Variants in IQCH observed in about 807,000 individuals in gnomAD.
The protein encoded by IQCH is IQ domain-containing protein H.
IQCH carries 98 observed loss-of-function variants against 117.0 expected under a neutral mutation model. That is an observed-to-expected ratio of 0.84 (90% CI 0.71 to 0.99). The LOEUF is 0.99. Among genes scored for constraint, IQCH ranks in the 50% least tolerant of loss-of-function variants. The pLI is 0.00. For missense variants in IQCH, 1,102 were observed against 1,243.8 expected (o/e 0.89, Z 1.72); for synonymous variants, 412 against 448.2 (o/e 0.92, Z 1.02).
intron 14 of IQCH, among the ~76,000 whole-genome samples, chr15:67,415,755 A>T (rs1373768529): frequency 6.6e-6 from 1 of 152,218 alleles, no homozygotes; most frequent in East Asian, 1.9e-4. Context: ...GTTCCCCTGC[A>T]ACCTAAAGTA....
intron 4 of IQCH, among the ~76,000 whole-genome samples, chr15:67,311,649 A>G (rs1024758971): frequency 6.6e-5 from 10 of 150,904 alleles, no homozygotes; most frequent in African/African-American, 2.2e-4. Flanking sequence ...TAGGTACATA[A>G]TACTATATGC....
At chr15:67,375,258 G>A (rs1970697772) in intron 10 of IQCH, among the ~76,000 whole-genome samples, 1 of 152,034 alleles carries the variant, frequency 6.6e-6, no homozygotes, top group Non-Finnish European at 1.5e-5. Flanking sequence ...GTGAGACCCT[G>A]TTTTAGAAAG....
At chr15:67,380,078 C>T (rs938249793) in intron 10 of IQCH, among the ~76,000 whole-genome samples, 2 of 152,160 alleles carry the variant, frequency 1.3e-5, no homozygotes, top group African/African-American at 2.4e-5. Context: ...TCTCGAACTC[C>T]CAACCTCAGT....
intron 8 of IQCH, among the ~76,000 whole-genome samples, chr15:67,360,331 G>A (rs998642197): frequency 6.6e-6 from 1 of 152,192 alleles, no homozygotes; most frequent in Non-Finnish European, 1.5e-5. Flanking sequence ...CTGTAGTACA[G>A]ATGGGATTTA....
At position 67,426,670 on chromosome 15, in the gene IQCH, A is replaced by G. The variant is rs1344216356; in HGVS notation, c.2505+5093A>G. ...AGAACTTGGAACATAGTAACTGTGT[A>G]TATTTACAAAATAAAATCCCAGGCC... On this transcript the variant is annotated intron_variant, in intron 16 of 20. Coordinates refer to ENST00000335894, the MANE Select transcript of IQCH (RefSeq NM_001031715.3). This position sits in a 1 kb window ranked among gnomAD's most constrained non-coding sequence, Gnocchi z 5.1. Among the ~76,000 whole-genome samples the G allele has an allele frequency of 6.6e-6, 1 of 152,140 alleles. No homozygotes were observed. Among genetic ancestry groups the G allele is most frequent in the Non-Finnish European group, 1.5e-5 (1 of 68,028 alleles).
chr15:67,483,554 G>A (rs986206879), intron 18 of IQCH, among the ~76,000 whole-genome samples: 2 of 152,154 alleles, frequency 1.3e-5, no homozygotes, highest in African/African-American at 4.8e-5. Flanking sequence ...AAGCATCTAA[G>A]GTGAGTGTCA....
At chr15:67,334,145 G>A (rs1968789120) in intron 4 of IQCH, among the ~76,000 whole-genome samples, 1 of 152,040 alleles carries the variant, frequency 6.6e-6, no homozygotes, top group African/African-American at 2.4e-5. Flanking sequence ...TGAGAAACTA[G>A]CTAGAAGGGA....
chr15:67,468,476 C>A (rs2082988297), intron 17 of IQCH, among the ~76,000 whole-genome samples: 3 of 152,166 alleles, frequency 2.0e-5, no homozygotes, highest in Admixed American at 2.0e-4. Flanking sequence ...CACACATTTC[C>A]CTGCTACTGC....
At chr15:67,277,090 T>C (rs1966154976) in intron 3 of IQCH, among the ~76,000 whole-genome samples, 1 of 152,264 alleles carries the variant, frequency 6.6e-6, no homozygotes. Context: ...TTCAATATAT[T>C]GATAAGCCTA....
intron 10 of IQCH, among the ~76,000 whole-genome samples, chr15:67,380,774 G>A (rs1405157088): frequency 6.6e-6 from 1 of 152,168 alleles, no homozygotes; most frequent in Non-Finnish European, 1.5e-5. Context: ...TATGCTGCTG[G>A]GAGGATGTGA....
intron 2 of IQCH, 127 bp downstream of exon 2, chr15:67,261,521 A>G (rs901299024): frequency 5.4e-5 from 38 of 697,716 alleles, no homozygotes; most frequent in Non-Finnish European, 8.5e-5. Flanking sequence ...AGTCGTCAGC[A>G]TTCTTGTTTT....
chr15:67,346,314 C>G (rs959152438), intron 6 of IQCH, among the ~76,000 whole-genome samples: 10 of 151,460 alleles, frequency 6.6e-5, no homozygotes, highest in Admixed American at 1.3e-4. Context: ...ACTAGTAACC[C>G]CCCCCCAAAA....
At chr15:67,375,976 G>A (rs1970723583) in intron 10 of IQCH, among the ~76,000 whole-genome samples, 2 of 151,778 alleles carry the variant, frequency 1.3e-5, no homozygotes, top group African/African-American at 2.4e-5. Context: ...CAGTAGAGAC[G>A]GGGTTTCACC....
chr15:67,266,488 C>T (rs1293135414), intron 3 of IQCH, among the ~76,000 whole-genome samples: 1 of 151,948 alleles, frequency 6.6e-6, no homozygotes, highest in Non-Finnish European at 1.5e-5. Context: ...AACCCCGTCT[C>T]TATTAAAATA....
intron 8 of IQCH, among the ~76,000 whole-genome samples, chr15:67,363,458 C>T (rs543837573): frequency 6.6e-6 from 1 of 151,770 alleles, no homozygotes; most frequent in South Asian, 2.1e-4. Flanking sequence ...GTTGGTCAGG[C>T]TGGTCTCAAA....
At chr15:67,346,395 A>G (rs770909651) in intron 6 of IQCH, among the ~76,000 whole-genome samples, 1 of 152,116 alleles carries the variant, frequency 6.6e-6, no homozygotes, top group East Asian at 1.9e-4. Context: ...TAATTTTTCC[A>G]CAGACAAGAG....
chr15:67,426,556 A>G lies in IQCH; in HGVS notation c.2505+4979A>G, dbSNP rs1356680150. Among the ~76,000 whole-genome samples, 1 of 151,330 alleles carries G rather than the reference A, an allele frequency of 6.6e-6. No individual in the cohort carries two copies. On this transcript the variant is annotated intron_variant, in intron 16 of 20. Coordinates refer to ENST00000335894, the MANE Select transcript of IQCH (RefSeq NM_001031715.3). This position sits in a 1 kb window ranked among gnomAD's most constrained non-coding sequence, Gnocchi z 5.1. ...TATAACTATTACATATCAATAAAAA[A>G]TACCAAAAAAAAACCCAACCTCATA...
In IQCH at chr15:67,379,193, G is replaced by A. The variant is rs183176113; in HGVS notation, c.1373-5743G>A. ...CAATCTGTTGCAATATGTTGTTTTG[G>A]TTGACACACATGAAGAAAATCTAGC... On this transcript the variant is annotated intron_variant, in intron 10 of 20. Transcript: ENST00000335894. Among the ~76,000 whole-genome samples the A allele has an allele frequency of 1.8e-4, 28 of 152,204 alleles. 1 individual carries two copies. In the East Asian group the frequency reaches 5.0e-3, roughly 27 times the overall value.
chr15:67,288,853 G>T (rs1446578945), intron 4 of IQCH, among the ~76,000 whole-genome samples: 1 of 152,144 alleles, frequency 6.6e-6, no homozygotes, highest in Non-Finnish European at 1.5e-5. Flanking sequence ...ACAGAAAGAA[G>T]CACTGTGGGC....
Sources: gnomAD v4.1 joint callset for allele counts (sites outside exome capture counted in the v4.1 genomes callset) on GRCh38, gnomAD v4.1.1 for gene constraint, Gnocchi (gnomAD v3.1) non-coding constraint, MANE v1.5 for transcripts, NCBI Gene and HGNC (gene_info 2026-07-23, HGNC 2026-07-21) for gene names.